The following ME1 variants were observed in gnomAD, a reference collection of about 807,000 sequenced individuals.
ME1 encodes the protein NADP-dependent malic enzyme.
Under a neutral mutation model 66.4 loss-of-function variants are expected in ME1, and 74 were observed. The observed-to-expected ratio is 1.11, with a 90% confidence interval of 0.92 to 1.35. The LOEUF (loss-of-function observed/expected upper bound fraction) is 1.35. ME1 is among the 40% of genes most tolerant of loss of function. The pLI, the probability that ME1 is intolerant of heterozygous loss-of-function variation, is 0.00. For missense variants in ME1, 750 were observed against 694.1 expected, an observed-to-expected ratio of 1.08 and a Z score of -0.90; for synonymous variants, 251 against 235.6, an observed-to-expected ratio of 1.07 and a Z score of -0.60.
chr6:83,422,491 A>G (rs1770287244), intron 1 of ME1, among the ~76,000 whole-genome samples: 1 of 152,254 alleles, frequency 6.6e-6, no homozygotes, highest in Admixed American at 6.5e-5. Flanking sequence ...TTGGAAAATA[A>G]AAGACTAATA....
chr6:83,299,051 T>G (rs1767662852), intron 6 of ME1, among the ~76,000 whole-genome samples: 2 of 151,328 alleles, frequency 1.3e-5, no homozygotes, highest in African/African-American at 4.9e-5. Context: ...AGCTTTGTTC[T>G]TTTTGCTTAG....
At chr6:83,290,648 G>T (rs948979169) in intron 6 of ME1, among the ~76,000 whole-genome samples, 1 of 152,092 alleles carries the variant, frequency 6.6e-6, no homozygotes, top group African/African-American at 2.4e-5. Flanking sequence ...GGTCCACTTG[G>T]TCCAGAGCTG....
rs1414255450 is a variant in ME1, at chr6:83,348,980, G to C, written c.439-2646C>G. ...GCCTGGGCAACAAGAGCAAAACTCT[G>C]TCTCAAAAAAAAAAAAAAAAACAAA... On this transcript the variant is annotated intron_variant, in intron 4 of 13. Coordinates refer to ENST00000369705, the MANE Select transcript of ME1 (RefSeq NM_002395.6). Among the ~76,000 whole-genome samples the C allele has an allele frequency of 9.4e-5, 9 of 95,766 alleles. No homozygotes were observed. The East Asian group carries it at 2.6e-3, about 28-fold the overall frequency. 62.8% of individuals were successfully genotyped at this position (95,766 alleles called of 152,430 possible). A position where few individuals can be genotyped will look rare whatever the true frequency, so the allele number is the denominator to read the frequency against.
intron 3 of ME1, among the ~76,000 whole-genome samples, chr6:83,391,591 G>C (rs1390609842): frequency 6.6e-6 from 1 of 151,790 alleles, no homozygotes; most frequent in Non-Finnish European, 1.5e-5. Flanking sequence ...ACCATTTAGG[G>C]CTTTTCATTT....
intron 2 of ME1, among the ~76,000 whole-genome samples, chr6:83,405,058 C>T (rs1373207161): frequency 6.6e-6 from 1 of 152,114 alleles, no homozygotes; most frequent in African/African-American, 2.4e-5. Flanking sequence ...TCAATGGTAG[C>T]TTGATGGGTA....
chr6:83,307,659 C>A (rs1462886446), intron 6 of ME1, among the ~76,000 whole-genome samples: 3 of 151,892 alleles, frequency 2.0e-5, no homozygotes, highest in Admixed American at 2.0e-4. Context: ...ATGATTAGAA[C>A]AGGTAGAAAA....
intron 13 of ME1, 70 bp downstream of exon 13, chr6:83,216,428 A>G: frequency 9.3e-7 from 1 of 1,076,912 alleles, no homozygotes; most frequent in Non-Finnish European, 1.4e-6. Context: ...CAGATTTTTA[A>G]TATTTAAAAA....
chr6:83,403,967 G>A (rs552597741), intron 2 of ME1, among the ~76,000 whole-genome samples: 91 of 152,216 alleles, frequency 6.0e-4, no homozygotes, highest in African/African-American at 2.0e-3. Flanking sequence ...GTAAACATAC[G>A]TGTGCATGTG....
At chr6:83,223,123 T>C (rs1177422402) in intron 12 of ME1, among the ~76,000 whole-genome samples, 1 of 152,212 alleles carries the variant, frequency 6.6e-6, no homozygotes. Flanking sequence ...CAGGGAAATA[T>C]TTACCACTTA....
chr6:83,254,428 C>T (rs1175084317), intron 6 of ME1, among the ~76,000 whole-genome samples: 2 of 152,088 alleles, frequency 1.3e-5, no homozygotes, highest in Non-Finnish European at 2.9e-5. Flanking sequence ...GGCTTAATCA[C>T]TTCCCAAAAG....
chr6:83,316,242 C>A (rs752412865), intron 5 of ME1, among the ~76,000 whole-genome samples: 2 of 152,062 alleles, frequency 1.3e-5, no homozygotes, highest in Non-Finnish European at 2.9e-5. Flanking sequence ...TTTAACTTTA[C>A]ACAGTTTAAG....
intron 5 of ME1, among the ~76,000 whole-genome samples, chr6:83,331,050 T>G (rs753473231): frequency 6.6e-6 from 1 of 152,148 alleles, no homozygotes; most frequent in Non-Finnish European, 1.5e-5. Context: ...AGCTGAGACC[T>G]GGAGCAATGG....
At chr6:83,221,792 A>G (rs984059595) in intron 12 of ME1, among the ~76,000 whole-genome samples, 2 of 152,002 alleles carry the variant, frequency 1.3e-5, no homozygotes, top group African/African-American at 4.8e-5. Flanking sequence ...TGAATGCTAG[A>G]AAAAAAACTC....
intron 3 of ME1, among the ~76,000 whole-genome samples, chr6:83,389,795 T>C (rs1041120685): frequency 6.6e-6 from 1 of 151,748 alleles, no homozygotes; most frequent in African/African-American, 2.4e-5. Flanking sequence ...AAAAAAAAAT[T>C]GTCTCTAGCT....
intron 6 of ME1, among the ~76,000 whole-genome samples, chr6:83,297,736 C>T (rs1767625578): frequency 6.6e-6 from 1 of 152,150 alleles, no homozygotes; most frequent in African/African-American, 2.4e-5. Context: ...CCCTGATGCT[C>T]TCCCTGCCCC....
chr6:83,276,223 A>C (rs1364870652), intron 6 of ME1, among the ~76,000 whole-genome samples: 1 of 152,192 alleles, frequency 6.6e-6, no homozygotes, highest in Non-Finnish European at 1.5e-5. Context: ...GAATACAGTA[A>C]TTGAAAGCAG....
At chr6:83,261,296 T>C (rs1766882546) in intron 6 of ME1, among the ~76,000 whole-genome samples, 1 of 152,192 alleles carries the variant, frequency 6.6e-6, no homozygotes, top group Admixed American at 6.5e-5. Flanking sequence ...GCCTACTTTT[T>C]AATGGGGTTG....
intron 5 of ME1, among the ~76,000 whole-genome samples, chr6:83,332,716 G>T (rs2128542309): frequency 6.6e-6 from 1 of 152,168 alleles, no homozygotes; most frequent in South Asian, 2.1e-4. Context: ...GGGTACATAG[G>T]AGTATACAAA....
intron 3 of ME1, among the ~76,000 whole-genome samples, chr6:83,352,845 A>T (rs1020012813): frequency 2.6e-5 from 4 of 152,338 alleles, no homozygotes; most frequent in Non-Finnish European, 5.9e-5. Flanking sequence ...TGTGACTCAC[A>T]TACAGAGAAC....
Sources: gnomAD v4.1 joint callset for allele counts (sites outside exome capture counted in the v4.1 genomes callset) on GRCh38, gnomAD v4.1.1 for gene constraint, MANE v1.5 for transcripts, NCBI Gene and HGNC (gene_info 2026-07-23, HGNC 2026-07-21) for gene names.